NRXN3: variants seen among roughly 807,000 people sequenced by gnomAD.
NRXN3 encodes the protein neurexin III.
NRXN3 carries 32 observed loss-of-function variants against 137.6 expected under a neutral mutation model. The observed-to-expected ratio is 0.23, with a 90% CI of 0.18 to 0.31. The LOEUF (loss-of-function observed/expected upper bound fraction) is 0.31. NRXN3 is among the 10% of genes least tolerant of loss of function. The pLI, the probability that NRXN3 is intolerant of heterozygous loss-of-function variation, is 1.00. For missense variants in NRXN3, 1,574 were observed against 2,062.5 expected, an observed-to-expected ratio of 0.76 and a Z score of 4.59; for synonymous variants, 798 against 784.5, an observed-to-expected ratio of 1.02 and a Z score of -0.29.
intron 15 of NRXN3, among the ~76,000 whole-genome samples, chr14:79,016,077 C>T (rs376955110): frequency 6.6e-6 from 1 of 152,218 alleles, no homozygotes; most frequent in East Asian, 1.9e-4. Flanking sequence ...CCCCTTGTGC[C>T]CTTTATTTGC....
chr14:78,473,511 A>G (rs146268323), intron 4 of NRXN3, among the ~76,000 whole-genome samples: 25 of 152,324 alleles, frequency 1.6e-4, no homozygotes, highest in African/African-American at 5.8e-4. Context: ...CTGCTGAGTT[A>G]TGGCCACAGA....
At chr14:79,563,072 A>T (rs2097515268) in intron 16 of NRXN3, among the ~76,000 whole-genome samples, 1 of 152,172 alleles carries the variant, frequency 6.6e-6, no homozygotes, top group Non-Finnish European at 1.5e-5. Context: ...GTAATTAGGG[A>T]CTTCAGCAGT....
intron 17 of NRXN3, among the ~76,000 whole-genome samples, chr14:79,664,910 AC>A (rs2098550711): frequency 6.6e-6 from 1 of 151,922 alleles, no homozygotes; most frequent in Non-Finnish European, 1.5e-5. Flanking sequence ...TACACACCAA[AC>A]TCCTCACAAT....
intron 15 of NRXN3, among the ~76,000 whole-genome samples, chr14:79,056,809 G>T (rs999566664): frequency 6.6e-6 from 1 of 152,204 alleles, no homozygotes; most frequent in Non-Finnish European, 1.5e-5. Context: ...TAAGTACTGG[G>T]ACTATGGAAA....
intron 19 of NRXN3, among the ~76,000 whole-genome samples, chr14:79,702,960 T>C (rs1450369082): frequency 6.6e-6 from 1 of 151,046 alleles, no homozygotes. Flanking sequence ...TCTGTGCAAA[T>C]CACCATTTGG....
chr14:79,141,488 G>A (rs577674908), intron 15 of NRXN3, among the ~76,000 whole-genome samples: 7 of 152,116 alleles, frequency 4.6e-5, no homozygotes, highest in African/African-American at 1.7e-4. Context: ...ATATATTGAG[G>A]GCAAATAATT....
At chr14:78,170,737 C>T (rs1374223660) in intron 1 of NRXN3, 63 bp downstream of exon 1, 1 of 152,196 alleles carries the variant, frequency 6.6e-6, no homozygotes. Context: ...CTTGTCCGTT[C>T]TGGGAAGAGG....
At chr14:79,423,698 G>A (rs759002563) in intron 15 of NRXN3, among the ~76,000 whole-genome samples, 21 of 152,160 alleles carry the variant, frequency 1.4e-4, no homozygotes, top group Non-Finnish European at 3.1e-4. Flanking sequence ...GGCCAATTGG[G>A]CATAACTGCT....
intron 4 of NRXN3, among the ~76,000 whole-genome samples, chr14:78,586,785 A>G (rs2097067788): frequency 6.6e-6 from 1 of 152,228 alleles, no homozygotes; most frequent in African/African-American, 2.4e-5. Flanking sequence ...TATCTTTGAC[A>G]AACAGTCTTT....
At chr14:78,977,081 G>A (rs1317603040) in intron 14 of NRXN3, among the ~76,000 whole-genome samples, 1 of 152,104 alleles carries the variant, frequency 6.6e-6, no homozygotes, top group Non-Finnish European at 1.5e-5. Flanking sequence ...TATACAGATG[G>A]GGACACTGAG....
intron 16 of NRXN3, among the ~76,000 whole-genome samples, chr14:79,568,204 G>A (rs1356853752): frequency 6.6e-6 from 1 of 152,142 alleles, no homozygotes; most frequent in Non-Finnish European, 1.5e-5. Flanking sequence ...TCAGCTATGA[G>A]CACCTTGATT....
intron 19 of NRXN3, among the ~76,000 whole-genome samples, chr14:79,708,946 T>A (rs1019568401): frequency 6.6e-6 from 1 of 152,102 alleles, no homozygotes; most frequent in African/African-American, 2.4e-5. Context: ...CAACCTCTTA[T>A]ATCTCTGGCC....
At chr14:79,065,056 C>A (rs1008170749) in intron 15 of NRXN3, among the ~76,000 whole-genome samples, 1 of 151,720 alleles carries the variant, frequency 6.6e-6, no homozygotes, top group African/African-American at 2.4e-5. Flanking sequence ...ATACTTCAAA[C>A]GTTTAAAATA....
intron 19 of NRXN3, among the ~76,000 whole-genome samples, chr14:79,788,882 T>C (rs2099137306): frequency 6.6e-6 from 1 of 152,204 alleles, no homozygotes; most frequent in South Asian, 2.1e-4. Flanking sequence ...AAAAAAGGTA[T>C]ACCATTTCAG....
chr14:79,374,884 C>T (rs1351786094), intron 15 of NRXN3, among the ~76,000 whole-genome samples: 1 of 152,162 alleles, frequency 6.6e-6, no homozygotes, highest in Non-Finnish European at 1.5e-5. Flanking sequence ...TCTTGGGCTG[C>T]ACCATTCATA....
intron 15 of NRXN3, among the ~76,000 whole-genome samples, chr14:79,454,116 GCT>G (rs2096221792): frequency 6.6e-6 from 1 of 151,218 alleles, no homozygotes; most frequent in Non-Finnish European, 1.5e-5. Flanking sequence ...ACAGAGTCTC[GCT>G]CTGTCACCAG....
At chr14:78,425,666 C>T (rs945085271) in intron 4 of NRXN3, among the ~76,000 whole-genome samples, 2 of 152,134 alleles carry the variant, frequency 1.3e-5, no homozygotes, top group East Asian at 1.9e-4. Context: ...ATAAGGCCAA[C>T]GAGTAATAAT....
intron 15 of NRXN3, among the ~76,000 whole-genome samples, chr14:79,225,732 G>A (rs1203336222): frequency 6.6e-6 from 1 of 152,038 alleles, no homozygotes; most frequent in Non-Finnish European, 1.5e-5. Flanking sequence ...AACCACTTTG[G>A]TTTCCTTTCT....
intron 4 of NRXN3, among the ~76,000 whole-genome samples, chr14:78,413,827 C>A (rs542125150): frequency 1.3e-5 from 2 of 152,220 alleles, no homozygotes; most frequent in Non-Finnish European, 2.9e-5. Context: ...CCATCTGATA[C>A]GGCTTAGCTC....
Sources: gnomAD v4.1 joint callset for allele counts (sites outside exome capture counted in the v4.1 genomes callset) on GRCh38, gnomAD v4.1.1 for gene constraint, MANE v1.5 for transcripts, NCBI Gene and HGNC (gene_info 2026-07-23, HGNC 2026-07-21) for gene names.